CADPS2: variants seen among roughly 807,000 people sequenced by gnomAD.
CADPS2 encodes calcium-dependent secretion activator 2.
CADPS2 carries 93 observed loss-of-function variants against 172.5 expected under a neutral mutation model. That is an observed-to-expected ratio of 0.54 (90% CI 0.46 to 0.64). CADPS2 has a LOEUF of 0.64. Ranked by LOEUF, CADPS2 falls within the 30% of genes least tolerant of loss-of-function variation. CADPS2 has a pLI of 0.00. For missense variants in CADPS2, 1,420 were observed against 1,565.9 expected (o/e 0.91, Z 1.57); for synonymous variants, 546 against 555.2 (o/e 0.98, Z 0.23).
rs1241556087 is a variant in CADPS2, at chr7:122,320,331, T to C, written c.3725A>G (p.Tyr1242Cys). 5.6e-6 allele frequency: 9 copies of C among 1,595,390 alleles called. No homozygotes were observed. The highest frequency in any genetic ancestry group is 7.7e-6 in the Non-Finnish European group (9 of 1,171,174). ...KTLIKIVKKTYRDFRLQGVLE... is the reference protein window; with the variant it reads ...KTLIKIVKKTCRDFRLQGVLE... ...CACACCCTGCAATCGAAAGTCCCTG[T>C]AGGTTTTCTGAAGAAAGAAGATAAA... The change falls in exon 30 of 30, where the codon TAC becomes TGC. Residue 1242 changes from tyrosine to cysteine, a missense_variant. Coordinates refer to ENST00000449022, the MANE Select transcript of CADPS2 (RefSeq NM_017954.11).
intron 6 of CADPS2, among the ~76,000 whole-genome samples, chr7:122,593,762 C>A (rs2071290088): frequency 6.6e-6 from 1 of 151,374 alleles, no homozygotes; most frequent in Admixed American, 6.6e-5. Context: ...CGTCAACTAA[C>A]AGCAAAACAT....
chr7:122,716,543 C>T (rs73719752), intron 2 of CADPS2, among the ~76,000 whole-genome samples: 7,557 of 151,882 alleles, frequency 0.05, 635 homozygotes, highest in African/African-American at 0.17. Context: ...GTCGGGGGAG[C>T]GGGGAGGGAT....
Position 122,817,060 on chromosome 7 carries a change from A to C in CADPS2, c.339+68939T>G, listed in dbSNP as rs13311160. Reference sequence around the variant, plus strand: ...CAAATCCTATAAAACGGCCCCACCCATATCTCCCTTCGCTAACTCTCTTTT... The same window carrying C: ...CAAATCCTATAAAACGGCCCCACCCCTATCTCCCTTCGCTAACTCTCTTTT... On this transcript the variant is annotated intron_variant, in intron 1 of 29. Transcript: ENST00000449022. 1.2e-3 allele frequency among the ~76,000 whole-genome samples: 170 copies of C among 147,028 alleles called. 3 individuals are homozygous for C. Among genetic ancestry groups the C allele is most frequent in the African/African-American group, 4.4e-3 (165 of 37,194 alleles).
intron 17 of CADPS2, among the ~76,000 whole-genome samples, chr7:122,435,495 GAACA>G (rs973163348): frequency 6.6e-6 from 1 of 152,018 alleles, no homozygotes; most frequent in East Asian, 1.9e-4. Context: ...TATTTAAAAT[GAACA>G]AACAAACAAA....
chr7:122,567,064 G>A (rs1010497), intron 7 of CADPS2, among the ~76,000 whole-genome samples: 92,175 of 151,956 alleles, frequency 0.61, 28,428 homozygotes, highest in African/African-American at 0.73. Context: ...ATTGGATTAA[G>A]TGAGCTCCAG....
intron 3 of CADPS2, among the ~76,000 whole-genome samples, chr7:122,645,400 T>TAGC: frequency 3.9e-5 from 2 of 50,756 alleles, no homozygotes; most frequent in Non-Finnish European, 1.0e-4. Flanking sequence ...TGTGTATATA[T>TAGC]GTACATATAC....
At chr7:122,700,406 T>C (rs2215667) in intron 2 of CADPS2, among the ~76,000 whole-genome samples, 151,307 of 152,290 alleles carry the variant, frequency 0.99, 75,171 homozygotes, top group Middle Eastern at 1. Flanking sequence ...AACATACCCA[T>C]AAAGGTTGAT....
intron 9 of CADPS2, among the ~76,000 whole-genome samples, chr7:122,506,026 C>A (rs2059584039): frequency 6.6e-6 from 1 of 152,098 alleles, no homozygotes; most frequent in African/African-American, 2.4e-5. Flanking sequence ...GTACTCAGAC[C>A]TGTATCAGTT....
chr7:122,783,236 G>C (rs895771709), intron 1 of CADPS2, among the ~76,000 whole-genome samples: 3 of 151,398 alleles, frequency 2.0e-5, no homozygotes, highest in African/African-American at 7.3e-5. Flanking sequence ...CATATAGCTA[G>C]GTTTACTTTT....
At chr7:122,719,688 T>G (rs2090134320) in intron 2 of CADPS2, among the ~76,000 whole-genome samples, 1 of 152,080 alleles carries the variant, frequency 6.6e-6, no homozygotes, top group Admixed American at 6.6e-5. Context: ...GAGAATCAGG[T>G]CGGCAATTAA....
At chr7:122,732,361 G>A (rs1315156773) in intron 2 of CADPS2, among the ~76,000 whole-genome samples, 1 of 150,360 alleles carries the variant, frequency 6.7e-6, no homozygotes, top group Non-Finnish European at 1.5e-5. Flanking sequence ...TGGAGTAATT[G>A]TCTATAGACT....
intron 11 of CADPS2, among the ~76,000 whole-genome samples, chr7:122,488,112 T>A (rs1315380908): frequency 6.6e-6 from 1 of 152,122 alleles, no homozygotes; most frequent in Non-Finnish European, 1.5e-5. Flanking sequence ...GAAACAAATT[T>A]ATAAAAACTT....
intron 1 of CADPS2, among the ~76,000 whole-genome samples, chr7:122,841,890 C>A (rs1166643307): frequency 6.6e-6 from 1 of 152,096 alleles, no homozygotes; most frequent in Non-Finnish European, 1.5e-5. Context: ...AAAGTTCCAG[C>A]GTGACCACTC....
At chr7:122,691,742 C>T (rs1376059844) in intron 2 of CADPS2, among the ~76,000 whole-genome samples, 1 of 152,192 alleles carries the variant, frequency 6.6e-6, no homozygotes, top group East Asian at 1.9e-4. Flanking sequence ...AGGTCCACCA[C>T]ACAGTGGCAC....
chr7:122,771,703 G>A (rs2093708252), intron 1 of CADPS2, among the ~76,000 whole-genome samples: 1 of 152,194 alleles, frequency 6.6e-6, no homozygotes, highest in South Asian at 2.1e-4. Flanking sequence ...AAAGAGGGAA[G>A]GTGTGGTCAC....
At chr7:122,356,307 T>C (rs553918443) in intron 27 of CADPS2, among the ~76,000 whole-genome samples, 13 of 152,110 alleles carry the variant, frequency 8.5e-5, no homozygotes, top group African/African-American at 3.1e-4. Context: ...ATATGTCTGA[T>C]TTTTTTTGAT....
chr7:122,743,032 T>C (rs1312834438), intron 1 of CADPS2, among the ~76,000 whole-genome samples: 1 of 152,128 alleles, frequency 6.6e-6, no homozygotes, highest in African/African-American at 2.4e-5. Context: ...GACTACTGTA[T>C]TTACCAATGA....
intron 1 of CADPS2, among the ~76,000 whole-genome samples, chr7:122,866,240 T>A (rs996972221): frequency 6.6e-6 from 1 of 152,166 alleles, no homozygotes; most frequent in Non-Finnish European, 1.5e-5. Flanking sequence ...TAATATTGAG[T>A]AAATACTTTC....
At chr7:122,509,485 G>T (rs531115975) in intron 9 of CADPS2, among the ~76,000 whole-genome samples, 3 of 152,292 alleles carry the variant, frequency 2.0e-5, no homozygotes, top group African/African-American at 7.2e-5. Context: ...AGTTTCCAAT[G>T]ATGTCACACA....
Sources: gnomAD v4.1 joint callset for allele counts (sites outside exome capture counted in the v4.1 genomes callset) on GRCh38, gnomAD v4.1.1 for gene constraint, MANE v1.5 for transcripts, NCBI Gene and HGNC (gene_info 2026-07-23, HGNC 2026-07-21) for gene names.